STARD13: variants seen among roughly 807,000 people sequenced by gnomAD.
The protein encoded by STARD13 is StAR related lipid transfer domain containing 13, also known as stAR-related lipid transfer protein 13.
A neutral mutation model predicts 106.4 loss-of-function variants in STARD13; 62 were observed. The observed-to-expected ratio is 0.58, with a 90% CI of 0.48 to 0.72. The LOEUF is 0.72. Ranked by LOEUF, STARD13 falls within the 30% of genes least tolerant of loss-of-function variation. The probability of loss-of-function intolerance (pLI) is 0.00; values close to 1 mark genes in which losing one functional copy is unlikely to be tolerated. For synonymous variants in STARD13, 565 were observed against 553.0 expected (o/e 1.02, Z -0.31); for missense variants, 1,387 against 1,424.0 (o/e 0.97, Z 0.42).
chr13:33,262,305 C>G (rs1409030276), intron 1 of STARD13, among the ~76,000 whole-genome samples: 2 of 152,116 alleles, frequency 1.3e-5, no homozygotes, highest in African/African-American at 4.8e-5. Context: ...AGCTGGGCCC[C>G]GTCTGCCTGC....
chr13:33,123,081 C>CAAAAAAAAAAAAAAAAAA, intron 7 of STARD13, among the ~76,000 whole-genome samples: 1 of 75,942 alleles, frequency 1.3e-5, no homozygotes. Context: ...AAAAAAAAAG[C>CAAAAAAAAAAAAAAAAAA]AAGGACTCAA....
At chr13:33,544,189 C>T in the STARD13 span, among the ~76,000 whole-genome samples, 1 of 152,194 alleles carries the variant, frequency 6.6e-6, no homozygotes, top group African/African-American at 2.4e-5. Flanking sequence ...TGGAAGATGC[C>T]AGGTTTTTTT....
At chr13:33,630,778 G>C in the STARD13 span, among the ~76,000 whole-genome samples, 1 of 152,136 alleles carries the variant, frequency 6.6e-6, no homozygotes, top group African/African-American at 2.4e-5. Flanking sequence ...GGTACTGAGA[G>C]CCCATGAGTC....
At chr13:33,674,857 C>A in the STARD13 span, among the ~76,000 whole-genome samples, 1 of 152,034 alleles carries the variant, frequency 6.6e-6, no homozygotes, top group Non-Finnish European at 1.5e-5. Context: ...GCTCTGATGT[C>A]GTGTCTGGTT....
chr13:33,360,726 A>ATTCCTTCTGTGTAGACAGGATTC, the STARD13 span, among the ~76,000 whole-genome samples: 1 of 134,638 alleles, frequency 7.4e-6, no homozygotes, highest in Admixed American at 7.2e-5. Flanking sequence ...AGACAGAAGG[A>ATTCCTTCTGTGTAGACAGGATTC]CATATTGTTG....
At chr13:33,127,612 A>C in intron 5 of STARD13, 66 bp from the exon 6 acceptor site, 1 of 1,462,018 alleles carries the variant, frequency 6.8e-7, no homozygotes, top group South Asian at 1.3e-5. Flanking sequence ...AACACGGGAC[A>C]TCACCAAGGT....
chr13:33,319,222 A>G (rs1462398422), intron 1 of STARD13, among the ~76,000 whole-genome samples: 1 of 152,228 alleles, frequency 6.6e-6, no homozygotes, highest in Non-Finnish European at 1.5e-5. Flanking sequence ...AATAAAAAGG[A>G]ATGAAGTACT....
At chr13:33,209,881 G>C (rs539249896) in intron 1 of STARD13, among the ~76,000 whole-genome samples, 1 of 152,290 alleles carries the variant, frequency 6.6e-6, no homozygotes, top group South Asian at 2.1e-4. Context: ...GCTGAGGTGG[G>C]AGGATCACTT....
At chr13:33,113,137 C>T in intron 8 of STARD13, 1 of 544,346 alleles carries the variant, frequency 1.8e-6, no homozygotes, top group Non-Finnish European at 3.2e-6. Flanking sequence ...AGTCCCAACC[C>T]TTGCAATTGA....
At chr13:33,114,543 A>G (rs1280990247) in intron 8 of STARD13, among the ~76,000 whole-genome samples, 3 of 151,982 alleles carry the variant, frequency 2.0e-5, no homozygotes, top group Non-Finnish European at 4.4e-5. Context: ...CCATTTTCTT[A>G]CTCTCGCTTA....
the STARD13 span, among the ~76,000 whole-genome samples, chr13:33,625,943 G>A: frequency 0.12 from 18,416 of 152,102 alleles, 2,816 homozygotes; most frequent in African/African-American, 0.36. Flanking sequence ...CTCGTGATCC[G>A]TGTGCCTTGG....
chr13:33,193,609 C>T (rs797200), intron 1 of STARD13, among the ~76,000 whole-genome samples: 54,579 of 151,926 alleles, frequency 0.36, 10,023 homozygotes, highest in East Asian at 0.55. Context: ...ACACAACCAG[C>T]GACAGTGTCA....
chr13:33,471,631 C>T, the STARD13 span, among the ~76,000 whole-genome samples: 1 of 141,322 alleles, frequency 7.1e-6, no homozygotes, highest in African/African-American at 3.0e-5. Context: ...TATTGGCCCC[C>T]TGTTTTTTTT....
At chr13:33,466,896 C>T in the STARD13 span, among the ~76,000 whole-genome samples, 48,081 of 151,884 alleles carry the variant, frequency 0.32, 8,093 homozygotes, top group Non-Finnish European at 0.39. Context: ...AAATTTAAGA[C>T]AATCCCAATT....
intron 1 of STARD13, among the ~76,000 whole-genome samples, chr13:33,184,883 C>T (rs1181166235): frequency 6.6e-6 from 1 of 152,196 alleles, no homozygotes; most frequent in Non-Finnish European, 1.5e-5. Context: ...TAAACAGATA[C>T]TTCCAATGGA....
At chr13:33,195,134 C>T (rs1207294306) in intron 1 of STARD13, among the ~76,000 whole-genome samples, 1 of 152,202 alleles carries the variant, frequency 6.6e-6, no homozygotes, top group African/African-American at 2.4e-5. Flanking sequence ...TACATTCTGA[C>T]TCAGGAGATG....
intron 1 of STARD13, among the ~76,000 whole-genome samples, chr13:33,296,915 G>A (rs190984940): frequency 2.0e-5 from 3 of 152,190 alleles, no homozygotes; most frequent in African/African-American, 4.8e-5. Context: ...CACTGCGCCC[G>A]GCCGAGTTCA....
At chr13:33,413,383 C>G in the STARD13 span, among the ~76,000 whole-genome samples, 1 of 151,488 alleles carries the variant, frequency 6.6e-6, no homozygotes, top group African/African-American at 2.4e-5. Flanking sequence ...AAATTGGAGG[C>G]AAGCAGAAAG....
chr13:33,163,602 AAAAAT>A (rs1404676016), intron 3 of STARD13, among the ~76,000 whole-genome samples: 24 of 89,620 alleles, frequency 2.7e-4, no homozygotes, highest in East Asian at 1.7e-3. Flanking sequence ...AAAAAAAAAA[AAAAAT>A]ATATATATAT....
Sources: gnomAD v4.1 joint callset for allele counts (sites outside exome capture counted in the v4.1 genomes callset) on GRCh38, gnomAD v4.1.1 for gene constraint, MANE v1.5 for transcripts, NCBI Gene and HGNC (gene_info 2026-07-23, HGNC 2026-07-21) for gene names.